Variants in NGEF observed in about 807,000 individuals in gnomAD.
NGEF encodes ephexin-1.
Under a neutral mutation model 80.9 loss-of-function variants are expected in NGEF, and 31 were observed. The observed-to-expected ratio is 0.38, with a 90% confidence interval of 0.29 to 0.52. The LOEUF is 0.52. Among genes scored for constraint, NGEF ranks in the 20% least tolerant of loss-of-function variants. The probability of loss-of-function intolerance (pLI) is 0.84; values close to 1 mark genes in which losing one functional copy is unlikely to be tolerated. For missense variants in NGEF, 709 were observed against 926.2 expected (o/e 0.77, Z 3.04); for synonymous variants, 371 against 370.2 (o/e 1.00, Z -0.03).
intron 5 of NGEF, among the ~76,000 whole-genome samples, chr2:232,900,602 GTTCACTCACATACACACACGCT>G (rs1692307026): frequency 2.5e-5 from 1 of 40,300 alleles, no homozygotes; most frequent in African/African-American, 1.1e-4. Context: ...TCATATACAC[GTTCACTCACATACACACACGCT>G]CTCACAGTCA....
At chr2:232,923,174 T>C (rs568197127) in intron 4 of NGEF, among the ~76,000 whole-genome samples, 30 of 152,268 alleles carry the variant, frequency 2.0e-4, no homozygotes, top group Non-Finnish European at 4.1e-4. Flanking sequence ...CTCAAAAATA[T>C]GTCTTATGTG....
At chr2:232,909,578 A>C (rs895212502) in intron 5 of NGEF, among the ~76,000 whole-genome samples, 1 of 152,222 alleles carries the variant, frequency 6.6e-6, no homozygotes, top group African/African-American at 2.4e-5. Flanking sequence ...TAAAATTATC[A>C]TGCAGTAAAA....
Position 232,920,561 on chromosome 2 carries a change from T to C in NGEF, c.551A>G (p.Asp184Gly). Residue 184 changes from aspartate (D) to glycine (G), a missense_variant, in exon 5 of 15, where the codon GAT becomes GGT. This residue lies in a region of NGEF where 283 missense variants were observed against 303.4 expected (regional missense o/e 0.93). Coordinates refer to ENST00000264051, the MANE Select transcript of NGEF (RefSeq NM_019850.3). ...QIGLLYQEYR[D>G]KSTLQEIETR... The stretch of plus-strand genomic sequence containing the variant: ...TTCGATTTCTTGGAGAGTCGATTTA[T>C]CTCGGTATTCCTGATACAGGAGCCC... The C allele has an allele frequency of 6.5e-7, 1 of 1,535,372 alleles. No individual in the cohort carries two copies. Among genetic ancestry groups the C allele is most frequent in the Non-Finnish European group, 8.8e-7 (1 of 1,139,472 alleles).
At chr2:232,920,009 G>A (rs574183647) in intron 5 of NGEF, among the ~76,000 whole-genome samples, 4 of 152,330 alleles carry the variant, frequency 2.6e-5, no homozygotes, top group African/African-American at 9.6e-5. Context: ...TGATGATAAT[G>A]AAGGGTGGAA....
chr2:232,885,360 C>T lies in NGEF; in HGVS notation c.1357G>A (p.Ala453Thr). 1 of 1,614,062 alleles carries T rather than the reference C, an allele frequency of 6.2e-7. No homozygotes were observed. The highest frequency in any genetic ancestry group is 8.5e-7 in the Non-Finnish European group (1 of 1,179,972). Residue 453 changes from alanine to threonine, a missense_variant, in exon 10 of 15, where the codon GCA becomes ACA. Physicochemically the swap from Ala to Thr is moderately conservative, Grantham distance 58 (BLOSUM62 0). Coordinates refer to ENST00000264051, the MANE Select transcript of NGEF (RefSeq NM_019850.3). ...AHKELEMVVK[A>T]CNEGVRKMSR... Reference sequence around the variant, plus strand: ...ATTTTCCTGACGCCCTCGTTGCATGCCTTCACCACCTGGGACAAGAAGGAG... The same window carrying T: ...ATTTTCCTGACGCCCTCGTTGCATGTCTTCACCACCTGGGACAAGAAGGAG...
At chr2:232,900,961 G>A (rs1453512431) in intron 5 of NGEF, among the ~76,000 whole-genome samples, 1 of 152,204 alleles carries the variant, frequency 6.6e-6, no homozygotes, top group Non-Finnish European at 1.5e-5. Context: ...AGATCAGCCA[G>A]GTCCCGGAGT....
intron 1 of NGEF, among the ~76,000 whole-genome samples, chr2:232,978,073 C>T (rs1040331539): frequency 4.0e-5 from 6 of 151,694 alleles, no homozygotes; most frequent in East Asian, 1.9e-4. Flanking sequence ...AATCCCTAAC[C>T]GACACTGGAC....
chr2:232,950,149 A>G lies in NGEF; in HGVS notation c.383+20065T>C, dbSNP rs149799403. Among the ~76,000 whole-genome samples the G allele has an allele frequency of 3.3e-3, 508 of 152,302 alleles. 4 individuals carry two copies. Among genetic ancestry groups the G allele is most frequent in the African/African-American group, 0.011 (443 of 41,562 alleles). On this transcript the variant is annotated intron_variant, in intron 3 of 14. Coordinates refer to ENST00000264051, the MANE Select transcript of NGEF (RefSeq NM_019850.3). ...AAAGTACCAGTTTGATGGATGAAAA[A>G]TGTTGTCATTATAGTTTACATTTCT...
chr2:232,921,292 T>C (rs191345639), intron 4 of NGEF, among the ~76,000 whole-genome samples: 45 of 152,012 alleles, frequency 3.0e-4, no homozygotes, highest in African/African-American at 1.1e-3. Context: ...GGTTGGGGGG[T>C]TGCCGTGGCT....
chr2:232,903,647 GCTTT>G (rs1482808425), intron 5 of NGEF, among the ~76,000 whole-genome samples: 1 of 152,184 alleles, frequency 6.6e-6, no homozygotes, highest in Non-Finnish European at 1.5e-5. Context: ...ATTGGTATTT[GCTTT>G]CTAACGCCTA....
At chr2:232,964,293 G>A (rs1694013473) in intron 3 of NGEF, among the ~76,000 whole-genome samples, 1 of 152,194 alleles carries the variant, frequency 6.6e-6, no homozygotes, top group African/African-American at 2.4e-5. Context: ...GTCTAAGGAT[G>A]TTCATAGCAA....
At chr2:232,899,900 ATGCTCT>A (rs1692239973) in intron 5 of NGEF, among the ~76,000 whole-genome samples, 1 of 145,214 alleles carries the variant, frequency 6.9e-6, no homozygotes, top group African/African-American at 2.6e-5. Flanking sequence ...ATTCACACAC[ATGCTCT>A]CACAGTCACT....
At chr2:232,928,247 GGC>G in intron 3 of NGEF, 1 of 837,134 alleles carries the variant, frequency 1.2e-6, no homozygotes, top group African/African-American at 1.8e-5. Context: ...GCCGGGCGGC[GGC>G]GGGGCGGGGG....
At chr2:232,898,379 A>G (rs546421139) in intron 5 of NGEF, among the ~76,000 whole-genome samples, 1 of 152,224 alleles carries the variant, frequency 6.6e-6, no homozygotes, top group Admixed American at 6.5e-5. Flanking sequence ...GGGCCAGGGG[A>G]AATGGCAGGT....
intron 5 of NGEF, among the ~76,000 whole-genome samples, chr2:232,900,148 G>GTTCACTCACATTCACACGCT (rs1692263962): frequency 1.1e-5 from 1 of 87,080 alleles, no homozygotes; most frequent in African/African-American, 4.5e-5. Flanking sequence ...ACACACACAC[G>GTTCACTCACATTCACACGCT]CTCACAGTCA....
chr2:232,891,207 A>G (rs2106228602), intron 8 of NGEF, 151 bp downstream of exon 8: 1 of 1,052,580 alleles, frequency 9.5e-7, no homozygotes, highest in Non-Finnish European at 1.4e-6. Context: ...CAGGCGCTGC[A>G]TCCTCACTGC....
At chr2:232,996,035 C>G (rs1267699321) in intron 1 of NGEF, among the ~76,000 whole-genome samples, 1 of 151,834 alleles carries the variant, frequency 6.6e-6, no homozygotes, top group Non-Finnish European at 1.5e-5. Flanking sequence ...TGTGGATGGG[C>G]TCAAACTTCC....
intron 1 of NGEF, among the ~76,000 whole-genome samples, chr2:232,983,377 C>T (rs1694476810): frequency 6.6e-6 from 1 of 151,912 alleles, no homozygotes; most frequent in Non-Finnish European, 1.5e-5. Flanking sequence ...CCTTTTAGGA[C>T]CAAGACCAGG....
chr2:232,920,178 G>A (rs2106275819), intron 5 of NGEF, 106 bp downstream of exon 5: 1 of 1,110,258 alleles, frequency 9.0e-7, no homozygotes, highest in African/African-American at 1.6e-5. Flanking sequence ...CGATTCCTCT[G>A]GTGAACCAGC....
Sources: allele counts gnomAD v4.1 joint callset (sites outside exome capture counted in the v4.1 genomes callset), GRCh38; gene constraint gnomAD v4.1.1; regional missense constraint gnomAD v4.1.1; transcripts MANE v1.5; gene names NCBI Gene and HGNC (gene_info 2026-07-23, HGNC 2026-07-21).